RUBCN: variants seen among roughly 807,000 people sequenced by gnomAD.
The protein encoded by RUBCN is rubicon autophagy regulator, also known as run domain Beclin-1-interacting and cysteine-rich domain-containing protein.
In RUBCN, 74 loss-of-function variants were observed where a neutral mutation model predicts 113.2. That is an observed-to-expected ratio of 0.65 (90% CI 0.54 to 0.79). The LOEUF is 0.79. Ranked by LOEUF, RUBCN falls within the 30% of genes least tolerant of loss-of-function variation. The probability of loss-of-function intolerance (pLI) is 0.00; values close to 1 mark genes in which losing one functional copy is unlikely to be tolerated. For synonymous variants in RUBCN, 480 were observed against 490.0 expected (o/e 0.98, Z 0.27); for missense variants, 1,109 against 1,251.7 (o/e 0.89, Z 1.72).
intron 6 of RUBCN, 105 bp downstream of exon 6, chr3:197,701,603 T>C: frequency 1.9e-6 from 2 of 1,031,316 alleles, no homozygotes; most frequent in South Asian, 1.4e-5. Context: ...TAAGAAAAAC[T>C]ACCAACCCAA....
chr3:197,739,558 T>A (rs1408346544), upstream of RUBCN, among the ~76,000 whole-genome samples: 1 of 149,852 alleles, frequency 6.7e-6, no homozygotes, highest in South Asian at 2.1e-4. Context: ...TAGCCGGGCG[T>A]GGTGGCGGGC....
chr3:197,737,496 A>C (rs1728277665), upstream of RUBCN, among the ~76,000 whole-genome samples: 1 of 151,938 alleles, frequency 6.6e-6, no homozygotes, highest in African/African-American at 2.4e-5. Flanking sequence ...TGGAGAGAGC[A>C]ACACGGCAGA....
chr3:197,733,752 G>T (rs543339061), intron 1 of RUBCN, among the ~76,000 whole-genome samples: 1 of 152,256 alleles, frequency 6.6e-6, no homozygotes, highest in South Asian at 2.1e-4. Flanking sequence ...GACTTTGTGA[G>T]GATAACCCCA....
intron 1 of RUBCN, among the ~76,000 whole-genome samples, chr3:197,722,179 G>A (rs909237720): frequency 9.9e-5 from 15 of 151,930 alleles, no homozygotes; most frequent in Admixed American, 9.8e-4. Context: ...GGAGGCAAAG[G>A]TGGAGCTGGG....
At chr3:197,736,567 C>T (rs1728154303) in intron 1 of RUBCN, 88 bp downstream of exon 1, 1 of 1,342,900 alleles carries the variant, frequency 7.4e-7, no homozygotes, top group Admixed American at 2.0e-5. Flanking sequence ...CGCGCCCGGC[C>T]CTTCTCTCCG....
intron 2 of RUBCN, among the ~76,000 whole-genome samples, chr3:197,709,000 T>G (rs1489702139): frequency 1.3e-5 from 2 of 152,180 alleles, no homozygotes; most frequent in Non-Finnish European, 2.9e-5. Context: ...AAATTGAAAC[T>G]GGAAATTCTA....
At position 197,700,701 on chromosome 3, in the gene RUBCN, C is replaced by A; in HGVS notation, c.1173G>T (p.Glu391Asp). The A allele has an allele frequency of 6.2e-7, 1 of 1,614,222 alleles. No homozygotes were observed. Among genetic ancestry groups the A allele is most frequent in the South Asian group, 1.1e-5 (1 of 91,086 alleles). ...SSVLRRSSFSEGQTLTVTSGA... is the reference protein window; with the variant it reads ...SSVLRRSSFSDGQTLTVTSGA... Reference sequence around the variant, plus strand: ...CACTGGTGACAGTGAGTGTCTGCCCCTCTGAGAAGCTGGACCTGCGGAGGA... The same window carrying A: ...CACTGGTGACAGTGAGTGTCTGCCCATCTGAGAAGCTGGACCTGCGGAGGA... The change falls in exon 7 of 20, where the codon GAG (glutamate) becomes GAT (aspartate). Residue 391 changes from glutamate to aspartate, a missense_variant. Physicochemically the swap from Glu to Asp is conservative, Grantham distance 45. Transcript: ENST00000296343.
chr3:197,677,700 C>G (rs145612187), intron 16 of RUBCN, among the ~76,000 whole-genome samples, 159 bp from the exon 17 acceptor site: 4 of 150,932 alleles, frequency 2.7e-5, no homozygotes, highest in African/African-American at 4.9e-5. Context: ...CCAGACTGTC[C>G]TATGCTCTGA....
chr3:197,677,187 C>T (rs143632006), intron 17 of RUBCN, 149 bp from the exon 18 acceptor site: 19 of 889,806 alleles, frequency 2.1e-5, no homozygotes, highest in African/African-American at 1.6e-4. Flanking sequence ...AGCCGTTCCA[C>T]GCTATTAGGT....
intron 13 of RUBCN, 107 bp from the exon 14 acceptor site, chr3:197,682,722 G>C: frequency 6.8e-7 from 1 of 1,463,036 alleles, no homozygotes; most frequent in Non-Finnish European, 9.5e-7. Context: ...CACAGTTGGG[G>C]TAAGTTCACA....
At chr3:197,718,473 G>A (rs1368167705) in intron 1 of RUBCN, among the ~76,000 whole-genome samples, 2 of 151,990 alleles carry the variant, frequency 1.3e-5, no homozygotes, top group Non-Finnish European at 2.9e-5. Context: ...TATTTTTTGA[G>A]ACACTTAACT....
intron 1 of RUBCN, among the ~76,000 whole-genome samples, chr3:197,730,915 T>TTC (rs1727368930): frequency 7.2e-6 from 1 of 139,730 alleles, no homozygotes; most frequent in African/African-American, 2.8e-5. Flanking sequence ...TTTTTTTTTT[T>TTC]ACAGTTTCAA....
At chr3:197,742,738 C>T (rs1024528532) in intron 1 of RUBCN, among the ~76,000 whole-genome samples, 1 of 152,200 alleles carries the variant, frequency 6.6e-6, no homozygotes, top group African/African-American at 2.4e-5. Context: ...AGAGAAGAAG[C>T]CTGGGAGAAG....
chr3:197,732,810 ACTCGG>A (rs2109005118), intron 1 of RUBCN, among the ~76,000 whole-genome samples: 1 of 152,284 alleles, frequency 6.6e-6, no homozygotes, highest in South Asian at 2.1e-4. Flanking sequence ...AATGTGTTCA[ACTCGG>A]ATGAAGGAGC....
chr3:197,699,065 C>T, intron 7 of RUBCN: 1 of 738,044 alleles, frequency 1.4e-6, no homozygotes. Context: ...TAGACAGTTC[C>T]AAGCATCACA....
chr3:197,675,183 A>G lies in RUBCN; in HGVS notation c.2754T>C (p.Cys918=). The G allele has an allele frequency of 6.2e-7, 1 of 1,614,088 alleles. No individual in the cohort carries two copies. The highest frequency in any genetic ancestry group is 8.5e-7 in the Non-Finnish European group (1 of 1,180,038). ...KCRTCEECKA[C]YHKACFKSGS... The stretch of plus-strand genomic sequence containing the variant: ...CAGACTTGAAGCAGGCTTTATGGTA[A>G]CACGCTTTACACTCTACTCAGGTTG... Residue 918 remains cysteine (C), a synonymous_variant, in exon 20 of 20, where the codon TGT becomes TGC. Coordinates refer to ENST00000296343, the MANE Select transcript of RUBCN (RefSeq NM_014687.4). This position sits in a 1 kb window ranked among gnomAD's most constrained non-coding sequence, Gnocchi z 4.4.
chr3:197,729,419 A>AT (rs1240504085), intron 1 of RUBCN, among the ~76,000 whole-genome samples: 3 of 151,410 alleles, frequency 2.0e-5, no homozygotes, highest in Non-Finnish European at 2.9e-5. Context: ...CGCCCGGCTA[A>AT]TTTTTTTGTA....
rs967166220 is a variant in RUBCN, at chr3:197,673,046, G to C, written c.*1972C>G. On this transcript the variant is annotated 3_prime_UTR_variant, in exon 20 of 20. Transcript: ENST00000296343. ...TAGAGCTCATTTTTATAAACTCCTG[G>C]GTCTGAATCTGGGACCTAACCCCTA... The C allele has an allele frequency of 2.6e-5, 4 of 152,200 alleles. No homozygotes were observed. The highest frequency in any genetic ancestry group is 5.9e-5 in the Non-Finnish European group (4 of 68,082). The allele number at this position is 152,200 out of a possible 1,614,324, so 9.4% of individuals were successfully genotyped here.
In RUBCN at chr3:197,671,546, G is replaced by T. The variant is rs542611567; in HGVS notation, c.*3472C>A. ...GAAGACAATTAATTTTCAAACCTGG[G>T]TGACTAATGGTTAGGTTTTTGGAAA... On this transcript the variant is annotated 3_prime_UTR_variant, in exon 20 of 20. Transcript: ENST00000296343. 54 of 152,346 alleles carry T rather than the reference G, an allele frequency of 3.5e-4. No homozygotes were observed. Among genetic ancestry groups the T allele is most frequent in the African/African-American group, 1.3e-3 (52 of 41,562 alleles). The allele number at this position is 152,346 out of a possible 1,614,324, so 9.4% of individuals were successfully genotyped here. A position where few individuals can be genotyped will look rare whatever the true frequency, so the allele number is the denominator to read the frequency against.
Sources: allele counts gnomAD v4.1 joint callset (sites outside exome capture counted in the v4.1 genomes callset), GRCh38; gene constraint gnomAD v4.1.1; non-coding constraint Gnocchi (gnomAD v3.1); transcripts MANE v1.5; gene names NCBI Gene and HGNC (gene_info 2026-07-23, HGNC 2026-07-21).